Variants in ETFRF1 observed in about 807,000 individuals in gnomAD.
The protein encoded by ETFRF1 is electron transfer flavoprotein regulatory factor 1, also known as LYR motif containing 5.
A neutral mutation model predicts 9.0 loss-of-function variants in ETFRF1; 12 were observed. That is an observed-to-expected ratio of 1.34 (90% CI 0.86 to 2.16). ETFRF1 has a LOEUF of 2.16. Among genes scored for constraint, ETFRF1 ranks in the 30% most tolerant of loss-of-function variants. The pLI is 0.00. For missense variants in ETFRF1, 98 were observed against 101.8 expected, an observed-to-expected ratio of 0.96 and a Z score of 0.16; for synonymous variants, 34 against 33.2, an observed-to-expected ratio of 1.02 and a Z score of -0.08.
chr12:25,204,076 T>C lies in ETFRF1; in HGVS notation c.52-15T>C, dbSNP rs369009335. ...ACATGGATTGTTTAGAAATATATAA[T>C]CTTTCTTTTTGAAGCTGCTGTATCT... is the stretch of plus-strand genomic sequence containing the variant. On this transcript the variant is annotated splice_polypyrimidine_tract_variant and intron_variant, in intron 2 of 2. Transcript: ENST00000381356. 1.5e-4 allele frequency: 241 copies of C among 1,556,366 alleles called. No individual in the cohort carries two copies. The highest frequency in any genetic ancestry group is 2.0e-4 in the Non-Finnish European group (226 of 1,149,184).
intron 1 of ETFRF1, among the ~76,000 whole-genome samples, chr12:25,198,523 T>TA (rs1337574698): frequency 6.6e-6 from 1 of 152,002 alleles, no homozygotes; most frequent in African/African-American, 2.4e-5. Flanking sequence ...TCAGAAGTGA[T>TA]AGAGACAGAA....
rs1951055991 is a variant in ETFRF1 at position 25,199,347 on chromosome 12, GTA to G, written c.-38+4015_-38+4016del. ...CATATAGTACATACTGTACTATGTA[GTA>G]TATAGTAATATATATAGTACATAAC... On this transcript the variant is annotated intron_variant, in intron 1 of 2. Coordinates refer to ENST00000381356, the MANE Select transcript of ETFRF1 (RefSeq NM_001001660.3). Among the ~76,000 whole-genome samples the G allele has an allele frequency of 0.019, 3 of 156 alleles. No homozygotes were observed. The South Asian group carries it at 0.25, about 13-fold the overall frequency. The allele number at this position is 156 out of a possible 152,430, so 0.1% of individuals were successfully genotyped here. A position where few individuals can be genotyped will look rare whatever the true frequency, so the allele number is the denominator to read the frequency against.
In ETFRF1 at chr12:25,204,446, G is replaced by T; in HGVS notation, c.*134G>T. On this transcript the variant is annotated 3_prime_UTR_variant, in exon 3 of 3. Coordinates refer to ENST00000381356, the MANE Select transcript of ETFRF1 (RefSeq NM_001001660.3). ...CTGAGCTGCCCTACTGAACTAAATAGGTTTCAACTTCTGTTCATACGGAGA... is the reference window on the plus strand; with the variant it reads ...CTGAGCTGCCCTACTGAACTAAATATGTTTCAACTTCTGTTCATACGGAGA... 1 of 608,644 alleles carries T rather than the reference G, an allele frequency of 1.6e-6. No individual in the cohort carries two copies. Among genetic ancestry groups the T allele is most frequent in the East Asian group, 3.2e-5 (1 of 31,210 alleles). 37.7% of individuals were successfully genotyped at this position (608,644 alleles called of 1,614,324 possible). A position where few individuals can be genotyped will look rare whatever the true frequency, so the allele number is the denominator to read the frequency against.
intron 1 of ETFRF1, among the ~76,000 whole-genome samples, chr12:25,199,057 TA>T (rs1309186686): frequency 6.6e-6 from 1 of 152,118 alleles, no homozygotes; most frequent in Non-Finnish European, 1.5e-5. Flanking sequence ...GCATTTCTAT[TA>T]TTTTTTTAAG....
intron 1 of ETFRF1, 44 bp from the exon 2 acceptor site, chr12:25,203,876 A>T: frequency 9.4e-7 from 1 of 1,064,638 alleles, no homozygotes; most frequent in Middle Eastern, 3.2e-4. Context: ...TATTTTTTTA[A>T]GACTACAATG....
intron 1 of ETFRF1, among the ~76,000 whole-genome samples, chr12:25,200,391 T>G (rs928610886): frequency 6.6e-6 from 1 of 152,140 alleles, no homozygotes; most frequent in Non-Finnish European, 1.5e-5. Flanking sequence ...GTGTCCAGAT[T>G]GCAAGGGCCA....
intron 1 of ETFRF1, among the ~76,000 whole-genome samples, chr12:25,200,161 G>C (rs1217754945): frequency 6.6e-6 from 1 of 152,012 alleles, no homozygotes; most frequent in African/African-American, 2.4e-5. Flanking sequence ...AATGAGTTGA[G>C]ATCAGGCCAT....
At chr12:25,195,564 G>T in intron 1 of ETFRF1, 2 of 212,126 alleles carry the variant, frequency 9.4e-6, no homozygotes, top group Non-Finnish European at 1.9e-5. Context: ...GGGAGGCCTG[G>T]GCCTCTGCGG....
chr12:25,204,959 T>C lies in ETFRF1; in HGVS notation c.*647T>C, dbSNP rs192368726. ...CCTTTGGGCCTAAAACCAAGTCACC[T>C]GTTGTGTATCAATTACCTTCTTTGA... On this transcript the variant is annotated 3_prime_UTR_variant, in exon 3 of 3. Coordinates refer to ENST00000381356, the MANE Select transcript of ETFRF1 (RefSeq NM_001001660.3). 1.4e-3 allele frequency: 284 copies of C among 204,026 alleles called. 1 individual carries two copies. The highest frequency in any genetic ancestry group is 6.5e-3 in the Middle Eastern group (4 of 612). 12.6% of individuals were successfully genotyped at this position (204,026 alleles called of 1,614,324 possible). A position where few individuals can be genotyped will look rare whatever the true frequency, so the allele number is the denominator to read the frequency against.
Position 25,204,095 on chromosome 12 carries a change from T to G in ETFRF1, c.56T>G (p.Leu19Arg). 1 of 1,579,600 alleles carries G rather than the reference T, an allele frequency of 6.3e-7. No individual in the cohort carries two copies. The highest frequency in any genetic ancestry group is 1.1e-5 in the South Asian group (1 of 87,388). ...ATATAATCTTTCTTTTTGAAGCTGCTGTATCTTGGACGAGACTATCCAAAA... is the reference window on the plus strand; with the variant it reads ...ATATAATCTTTCTTTTTGAAGCTGCGGTATCTTGGACGAGACTATCCAAAA... ...GEVLKLYKNL[L>R]YLGRDYPKGA... is the part of the protein sequence containing the mutation. The change falls in exon 3 of 3, where the codon CTG becomes CGG. Residue 19 changes from leucine to arginine, a missense_variant. By Grantham distance (102) the Leu-to-Arg change is moderately radical. Coordinates refer to ENST00000381356, the MANE Select transcript of ETFRF1 (RefSeq NM_001001660.3).
chr12:25,200,904 G>A (rs1348350167), intron 1 of ETFRF1, among the ~76,000 whole-genome samples: 1 of 152,196 alleles, frequency 6.6e-6, no homozygotes, highest in Non-Finnish European at 1.5e-5. Flanking sequence ...CCAGAATCAA[G>A]CAGCATGACT....
intron 1 of ETFRF1, among the ~76,000 whole-genome samples, chr12:25,199,431 GTATAC>G (rs1291148932): frequency 6.7e-6 from 1 of 149,484 alleles, no homozygotes; most frequent in Non-Finnish European, 1.5e-5. Context: ...ATATACCATA[GTATAC>G]TATATACTAA....
chr12:25,204,136 A>T lies in ETFRF1; in HGVS notation c.97A>T (p.Lys33Ter), dbSNP rs371197215. Residue 33 changes from lysine to a stop codon, truncating the protein, a stop_gained, in exon 3 of 3, where the codon AAA becomes TAA. Transcript: ENST00000381356. LOFTEE classifies it high-confidence loss of function. ...CTATCCAAAAGGAGCAGACTATTTT[A>T]AAAAGCGTTTGAAGAACATTTTCCT... ...RDYPKGADYFKKRLKNIFLKN... is the reference protein window; with the variant it reads ...RDYPKGADYF 2 of 1,608,014 alleles carry T rather than the reference A, an allele frequency of 1.2e-6. No individual in the cohort carries two copies. The highest frequency in any genetic ancestry group is 2.7e-5 in the African/African-American group (2 of 74,964).
In ETFRF1 at chr12:25,204,155, T is replaced by G; in HGVS notation, c.116T>G (p.Ile39Ser). The G allele has an allele frequency of 6.2e-7, 1 of 1,612,506 alleles. No individual in the cohort carries two copies. Among genetic ancestry groups the G allele is most frequent in the Non-Finnish European group, 8.5e-7 (1 of 1,179,216 alleles). The change falls in exon 3 of 3, where the codon ATT becomes AGT. Residue 39 changes from isoleucine (I) to serine (S), a missense_variant. Transcript: ENST00000381356. Reference sequence around the variant, plus strand: ...TATTTTAAAAAGCGTTTGAAGAACATTTTCCTTAAAAACAAAGATGTGAAG... The same window carrying G: ...TATTTTAAAAAGCGTTTGAAGAACAGTTTCCTTAAAAACAAAGATGTGAAG... ...ADYFKKRLKNIFLKNKDVKNP... is the reference protein window; with the variant it reads ...ADYFKKRLKNSFLKNKDVKNP...
chr12:25,204,216 C>T lies in ETFRF1; in HGVS notation c.177C>T (p.Gly59=), dbSNP rs1426115326. The T allele has an allele frequency of 5.0e-6, 8 of 1,612,228 alleles. No homozygotes were observed. Among genetic ancestry groups the T allele is most frequent in the East Asian group, 2.2e-5 (1 of 44,788 alleles). The change falls in exon 3 of 3, where the codon GGC becomes GGT. Residue 59 remains glycine (G), a synonymous_variant. Coordinates refer to ENST00000381356, the MANE Select transcript of ETFRF1 (RefSeq NM_001001660.3). Reference sequence around the variant, plus strand: ...AGATCAAAGAACTTATTGCACAGGGCGAATTTGTAATGAAAGAGCTAGAAG... The same window carrying T: ...AGATCAAAGAACTTATTGCACAGGGTGAATTTGTAATGAAAGAGCTAGAAG... ...PEKIKELIAQ[G]EFVMKELEAL... is the part of the protein sequence containing the mutation.
intron 1 of ETFRF1, among the ~76,000 whole-genome samples, chr12:25,202,368 G>A (rs1191559235): frequency 6.9e-6 from 1 of 144,922 alleles, no homozygotes; most frequent in Admixed American, 7.1e-5. Flanking sequence ...CCCAGCAGGG[G>A]ATACTGGAGC....
intron 1 of ETFRF1, among the ~76,000 whole-genome samples, chr12:25,198,232 A>C (rs1283324144): frequency 6.6e-6 from 1 of 152,182 alleles, no homozygotes; most frequent in Non-Finnish European, 1.5e-5. Flanking sequence ...CACACTGGAA[A>C]CAAAGTTAAG....
chr12:25,195,275 T>A lies in ETFRF1; in HGVS notation c.-100T>A. On this transcript the variant is annotated 5_prime_UTR_variant, in exon 1 of 3. Coordinates refer to ENST00000381356, the MANE Select transcript of ETFRF1 (RefSeq NM_001001660.3). ...CCACCTCCCCCAACGCCACCCCGCT[T>A]CGCAGTAGACGGACAGAGGAGTCGT... The A allele has an allele frequency of 3.1e-6, 2 of 650,926 alleles. No homozygotes were observed. The highest frequency in any genetic ancestry group is 2.3e-5 in the Admixed American group (1 of 42,908). The allele number at this position is 650,926 out of a possible 1,614,324, so 40.3% of individuals were successfully genotyped here. A position where few individuals can be genotyped will look rare whatever the true frequency, so the allele number is the denominator to read the frequency against.
At chr12:25,203,883 A>G (rs1401513703) in intron 1 of ETFRF1, 37 bp from the exon 2 acceptor site, 2 of 1,157,556 alleles carry the variant, frequency 1.7e-6, no homozygotes, top group Admixed American at 6.8e-5. Flanking sequence ...TTAAGACTAC[A>G]ATGCAGCTAA....
Sources: allele counts gnomAD v4.1 joint callset (sites outside exome capture counted in the v4.1 genomes callset), GRCh38; gene constraint gnomAD v4.1.1; transcripts MANE v1.5; gene names NCBI Gene and HGNC (gene_info 2026-07-23, HGNC 2026-07-21).